MYH15: variants seen among roughly 807,000 people sequenced by gnomAD.
The protein encoded by MYH15 is myosin heavy chain 15, also known as myosin-15.
In MYH15, 227 loss-of-function variants were observed where a neutral mutation model predicts 240.5. The ratio of observed to expected loss-of-function variants is 0.94; its 90% CI spans 0.85 to 1.05. The LOEUF (loss-of-function observed/expected upper bound fraction) is 1.05. Among genes scored for constraint, MYH15 ranks in the 50% least tolerant of loss-of-function variants. MYH15 has a pLI of 0.00. For synonymous variants in MYH15, 785 were observed against 796.7 expected (o/e 0.99, Z 0.25); for missense variants, 2,217 against 2,247.5 (o/e 0.99, Z 0.27).
At chr3:108,479,694 G>A (rs563438200) in intron 11 of MYH15, among the ~76,000 whole-genome samples, 4 of 152,250 alleles carry the variant, frequency 2.6e-5, no homozygotes, top group Non-Finnish European at 5.9e-5. Flanking sequence ...ACCAGGTTTC[G>A]TAAGTTTATT....
chr3:108,451,164 G>A (rs1560379357), intron 21 of MYH15, among the ~76,000 whole-genome samples: 1 of 152,172 alleles, frequency 6.6e-6, no homozygotes, highest in Non-Finnish European at 1.5e-5. Context: ...CAGATCACGT[G>A]AGGCCAAGAG....
At chr3:108,398,379 T>C (rs1000205656) in intron 35 of MYH15, among the ~76,000 whole-genome samples, 1 of 152,216 alleles carries the variant, frequency 6.6e-6, no homozygotes, top group African/African-American at 2.4e-5. Context: ...GACACTTTGA[T>C]TGCAGGCTTC....
chr3:108,408,493 T>C, intron 31 of MYH15, 89 bp from the exon 32 acceptor site: 1 of 1,347,952 alleles, frequency 7.4e-7, no homozygotes, highest in Admixed American at 2.4e-5. Flanking sequence ...TCCAGCCCAC[T>C]GGAACAGTGA....
chr3:108,549,627 T>G, the MYH15 span, among the ~76,000 whole-genome samples: 1 of 152,158 alleles, frequency 6.6e-6, no homozygotes, highest in African/African-American at 2.4e-5. Flanking sequence ...AAATTAAATT[T>G]AATAAAATCA....
rs1418994023 is a variant in MYH15, at chr3:108,381,411, T to C, written c.*134A>G. On this transcript the variant is annotated 3_prime_UTR_variant, in exon 41 of 41. Transcript: ENST00000693548. ...ATATTCCCTTTAATTATTTTTCTAATTGCCTTGTTTATATGGTGTGAAAAG... is the reference window on the plus strand; with the variant it reads ...ATATTCCCTTTAATTATTTTTCTAACTGCCTTGTTTATATGGTGTGAAAAG... 6 of 1,005,056 alleles carry C rather than the reference T, an allele frequency of 6.0e-6. No homozygotes were observed. The highest frequency in any genetic ancestry group is 1.6e-5 in the African/African-American group (1 of 62,342). 62.3% of individuals were successfully genotyped at this position (1,005,056 alleles called of 1,614,324 possible).
Position 108,506,620 on chromosome 3 carries a change from C to T in MYH15, c.89-791G>A, listed in dbSNP as rs558640774. Among the ~76,000 whole-genome samples the T allele has an allele frequency of 6.6e-5, 10 of 152,210 alleles. No homozygotes were observed. In the East Asian group the frequency reaches 1.9e-3, roughly 29 times the overall value. ...TTTTAAGGGCCTGGGTGCAGTGGCT[C>T]ATGTTCATAATTCCAGAACTTTGGG... On this transcript the variant is annotated intron_variant, in intron 1 of 40. Coordinates refer to ENST00000693548, the MANE Select transcript of MYH15 (RefSeq NM_014981.3).
intron 27 of MYH15, among the ~76,000 whole-genome samples, chr3:108,426,834 G>A (rs186685503): frequency 1.3e-5 from 2 of 152,284 alleles, no homozygotes; most frequent in East Asian, 3.9e-4. Context: ...GTGCTACATG[G>A]GGCCCTGGGG....
chr3:108,530,417 T>G (rs887559705), upstream of MYH15, among the ~76,000 whole-genome samples: 2 of 152,198 alleles, frequency 1.3e-5, no homozygotes, highest in Non-Finnish European at 2.9e-5. Context: ...ATATCAGTGA[T>G]TTCCAGGGAG....
rs189976618 is a variant in MYH15, at chr3:108,453,947, G to A, written c.2399+59C>T. 3.7e-5 allele frequency: 57 copies of A among 1,526,830 alleles called. No homozygotes were observed. The Admixed American group carries it at 9.8e-4, about 26-fold the overall frequency. The allele number at this position is 1,526,830 out of a possible 1,614,324, so 94.6% of individuals were successfully genotyped here. A position where few individuals can be genotyped will look rare whatever the true frequency, so the allele number is the denominator to read the frequency against. ...CTACTATAAGGCAATGAGATTAGTTGCACTGGTTGAGGCACACTATTACCC... is the reference window on the plus strand; with the variant it reads ...CTACTATAAGGCAATGAGATTAGTTACACTGGTTGAGGCACACTATTACCC... On this transcript the variant is annotated intron_variant, in intron 21 of 40. Transcript: ENST00000693548.
In MYH15 at chr3:108,500,098, T is replaced by C; in HGVS notation, c.496+20A>G. ...TAGATCAGATATTTTTACTTTTCAT[T>C]TTGTAGGGCAGCTACTCACTGTGAA... On this transcript the variant is annotated intron_variant, in intron 4 of 40. Coordinates refer to ENST00000693548, the MANE Select transcript of MYH15 (RefSeq NM_014981.3). 6.2e-7 allele frequency: 1 copy of C among 1,604,972 alleles called. No homozygotes were observed. The highest frequency in any genetic ancestry group is 1.1e-5 in the South Asian group (1 of 90,276).
rs1209972324 is a variant in MYH15 at position 108,399,133 on chromosome 3, G to T, written c.4871C>A (p.Ala1624Asp). The part of the protein sequence containing the change: ...LNEMELQLSC[A>D]NRQVSEATKS... ...GGTTGCTTCTGACACCTGCCGGTTGGCACAGCTAAGCTGGAGTTCCATCTC... is the reference window on the plus strand; with the variant it reads ...GGTTGCTTCTGACACCTGCCGGTTGTCACAGCTAAGCTGGAGTTCCATCTC... The change falls in exon 34 of 41, where the codon GCC (alanine) becomes GAC (aspartate). Residue 1624 changes from alanine to aspartate, a missense_variant. Coordinates refer to ENST00000693548, the MANE Select transcript of MYH15 (RefSeq NM_014981.3). 4 of 1,614,080 alleles carry T rather than the reference G, an allele frequency of 2.5e-6. No homozygotes were observed. The Admixed American group carries it at 6.7e-5, about 27-fold the overall frequency.
Position 108,408,395 on chromosome 3 carries a change from G to T in MYH15, c.4505C>A (p.Ser1502Tyr), listed in dbSNP as rs558321309. 13 of 1,610,236 alleles carry T rather than the reference G, an allele frequency of 8.1e-6. No homozygotes were observed. The South Asian group carries it at 1.4e-4, about 18-fold the overall frequency. Residue 1502 changes from serine to tyrosine, a missense_variant, in exon 32 of 41, where the codon TCT becomes TAT. Ser to Tyr is a moderately radical substitution (Grantham distance 144). Transcript: ENST00000693548. ...TTCTCTAACCTGGTTTGTCAGATTAGAAATCTCTTCTGGAGACAGAGGTAA... is the reference window on the plus strand; with the variant it reads ...TTCTCTAACCTGGTTTGTCAGATTATAAATCTCTTCTGGAGACAGAGGTAA... The part of the protein sequence containing the change: ...RENKNLQEEI[S>Y]NLTNQVREGT...
In MYH15 at chr3:108,501,574, C is replaced by T. The variant is rs767080390; in HGVS notation, c.339+138G>A. The T allele has an allele frequency of 1.0e-5, 11 of 1,054,578 alleles. No individual in the cohort carries two copies. In the East Asian group the frequency reaches 2.3e-4, roughly 22 times the overall value. 65.3% of individuals were successfully genotyped at this position (1,054,578 alleles called of 1,614,324 possible). On this transcript the variant is annotated intron_variant, in intron 3 of 40. Transcript: ENST00000693548. The stretch of plus-strand genomic sequence containing the variant: ...AATTGGGGAAATGCTAAGATAAGGT[C>T]CCTTCCCAGTAGACATTGCTCAAGG...
rs1169023362 is a variant in MYH15 at position 108,384,714 on chromosome 3, T to C, written c.5604A>G (p.Gln1868=). The C allele has an allele frequency of 1.9e-6, 3 of 1,613,736 alleles. No homozygotes were observed. Among genetic ancestry groups the C allele is most frequent in the African/African-American group, 2.7e-5 (2 of 74,892 alleles). Residue 1868 remains glutamine (Q), a synonymous_variant, in exon 39 of 41, where the codon CAA becomes CAG. Transcript: ENST00000693548. ...CCACCTCGACTTGCTGCTTGTAATT[T>C]TGCACTTTTAGCTGAAGTTTATCCA... ...TQMDKLQLKV[Q]NYKQQVEVAE... is the part of the protein sequence containing the mutation.
Position 108,405,423 on chromosome 3 carries a change from G to A in MYH15, c.4651C>T (p.Leu1551Phe), listed in dbSNP as rs868715468. ...GALERNESKILHFQLELLEAK... is the reference protein window; with the variant it reads ...GALERNESKIFHFQLELLEAK... ...TCCAAGAGTTCAAGCTGGAAATGAAGAATCTTGCTTTCATTACGTTCCAGG... is the reference window on the plus strand; with the variant it reads ...TCCAAGAGTTCAAGCTGGAAATGAAAAATCTTGCTTTCATTACGTTCCAGG... The change falls in exon 33 of 41, where the codon CTT (leucine) becomes TTT (phenylalanine). Residue 1551 changes from leucine to phenylalanine, a missense_variant. Transcript: ENST00000693548. 5.9e-6 allele frequency: 9 copies of A among 1,528,366 alleles called. No homozygotes were observed. The highest frequency in any genetic ancestry group is 8.0e-6 in the Non-Finnish European group (9 of 1,122,690). 94.7% of individuals were successfully genotyped at this position (1,528,366 alleles called of 1,614,324 possible).
the MYH15 span, among the ~76,000 whole-genome samples, chr3:108,541,441 T>A: frequency 0.011 from 1,628 of 150,334 alleles, 11 homozygotes; most frequent in Middle Eastern, 0.042. Flanking sequence ...TTACTAAAGA[T>A]CATCAGGAAC....
At chr3:108,474,419 T>C (rs571631089) in intron 12 of MYH15, among the ~76,000 whole-genome samples, 1 of 151,806 alleles carries the variant, frequency 6.6e-6, no homozygotes, top group East Asian at 1.9e-4. Flanking sequence ...ATTAGAGAGC[T>C]GAAGACTTGT....
intron 21 of MYH15, among the ~76,000 whole-genome samples, chr3:108,450,401 G>A (rs1007084333): frequency 2.0e-5 from 3 of 152,082 alleles, no homozygotes; most frequent in African/African-American, 7.2e-5. Context: ...TGACAACATG[G>A]GTTAACCTAG....
chr3:108,537,861 A>G, the MYH15 span, among the ~76,000 whole-genome samples: 1 of 152,216 alleles, frequency 6.6e-6, no homozygotes, highest in Non-Finnish European at 1.5e-5. Flanking sequence ...GCCCACTTCA[A>G]GGTTGGGATA....
Sources: allele counts gnomAD v4.1 joint callset (sites outside exome capture counted in the v4.1 genomes callset), GRCh38; gene constraint gnomAD v4.1.1; transcripts MANE v1.5; gene names NCBI Gene and HGNC (gene_info 2026-07-23, HGNC 2026-07-21).